The following WNT2 variants were observed in gnomAD, a reference collection of about 807,000 sequenced individuals.
The protein encoded by WNT2 is protein Wnt-2.
WNT2 carries 12 observed loss-of-function variants against 36.9 expected under a neutral mutation model. The observed-to-expected ratio is 0.33, with a 90% CI of 0.21 to 0.53. The LOEUF (loss-of-function observed/expected upper bound fraction) is 0.53. Among genes scored for constraint, WNT2 ranks in the 20% least tolerant of loss-of-function variants. WNT2 has a pLI of 0.95. For missense variants in WNT2, 379 were observed against 473.1 expected, an observed-to-expected ratio of 0.80 and a Z score of 1.84; for synonymous variants, 163 against 174.6, an observed-to-expected ratio of 0.93 and a Z score of 0.52.
intron 3 of WNT2, among the ~76,000 whole-genome samples, chr7:117,305,588 A>C (rs1264320425): frequency 4.6e-5 from 7 of 152,196 alleles, no homozygotes; most frequent in African/African-American, 1.7e-4. Flanking sequence ...AAGTAGTAAA[A>C]AGGCATTTAG....
At chr7:117,286,909 G>C (rs1441538468) in intron 4 of WNT2, among the ~76,000 whole-genome samples, 1 of 152,222 alleles carries the variant, frequency 6.6e-6, no homozygotes, top group African/African-American at 2.4e-5. Flanking sequence ...GTCAGACTCT[G>C]TGAGGCTTTC....
rs139577494 is a variant in WNT2 at position 117,301,289 on chromosome 7, G to A, written c.589-3413C>T. Among the ~76,000 whole-genome samples the A allele has an allele frequency of 1.1e-3, 174 of 152,188 alleles. 2 individuals are homozygous for A. In the East Asian group the frequency reaches 0.03, roughly 26 times the overall value. On this transcript the variant is annotated intron_variant, in intron 3 of 4. Coordinates refer to ENST00000265441, the MANE Select transcript of WNT2 (RefSeq NM_003391.3). ...TTCATCTCTTCTATGTACTGGGTTT[G>A]CAGACTTGAAATTCAAACCCTTAAC...
chr7:117,320,854 G>T, intron 1 of WNT2, 61 bp from the exon 2 acceptor site: 1 of 1,431,862 alleles, frequency 7.0e-7, no homozygotes, highest in Non-Finnish European at 9.6e-7. Context: ...CTGGCTCAGT[G>T]TTCCTGGGAG....
At chr7:117,296,189 T>C (rs896447400) in intron 4 of WNT2, among the ~76,000 whole-genome samples, 1 of 152,150 alleles carries the variant, frequency 6.6e-6, no homozygotes, top group African/African-American at 2.4e-5. Context: ...GATTTGGCTA[T>C]AACTTTGGCC....
intron 3 of WNT2, among the ~76,000 whole-genome samples, chr7:117,313,994 G>A (rs1795168456): frequency 6.6e-6 from 1 of 152,036 alleles, no homozygotes; most frequent in Non-Finnish European, 1.5e-5. Context: ...CTAGTAAAGG[G>A]GTTTTCATCC....
At chr7:117,310,476 CT>C (rs1196484204) in intron 3 of WNT2, among the ~76,000 whole-genome samples, 1 of 149,940 alleles carries the variant, frequency 6.7e-6, no homozygotes, top group Non-Finnish European at 1.5e-5. Context: ...GTCCCGGCTA[CT>C]GAGACTGAGG....
At chr7:117,303,834 G>A (rs545853330) in intron 3 of WNT2, among the ~76,000 whole-genome samples, 13 of 152,140 alleles carry the variant, frequency 8.5e-5, no homozygotes, top group Non-Finnish European at 1.6e-4. Flanking sequence ...GTGTTTTCTC[G>A]TTCTATTTGC....
intron 3 of WNT2, among the ~76,000 whole-genome samples, chr7:117,306,129 C>G (rs1562828380): frequency 6.6e-6 from 1 of 152,172 alleles, no homozygotes; most frequent in Non-Finnish European, 1.5e-5. Flanking sequence ...TATTCATTTG[C>G]TTTCCATTTT....
At chr7:117,304,810 T>C (rs769321653) in intron 3 of WNT2, among the ~76,000 whole-genome samples, 4 of 152,294 alleles carry the variant, frequency 2.6e-5, no homozygotes, top group Non-Finnish European at 4.4e-5. Context: ...GTCACTTATG[T>C]TTTCTCTCAT....
At chr7:117,289,935 G>A (rs145581416) in intron 4 of WNT2, among the ~76,000 whole-genome samples, 2 of 152,334 alleles carry the variant, frequency 1.3e-5, no homozygotes, top group East Asian at 3.9e-4. Flanking sequence ...CAAGGAAGGA[G>A]TGTAAGGAAT....
chr7:117,315,899 G>A (rs1174279283), intron 2 of WNT2, among the ~76,000 whole-genome samples: 1 of 152,228 alleles, frequency 6.6e-6, no homozygotes, highest in Non-Finnish European at 1.5e-5. Context: ...AAGGTGGGAA[G>A]AGAATTCTGG....
chr7:117,278,517 A>T, intron 4 of WNT2, 133 bp from the exon 5 acceptor site: 1 of 871,508 alleles, frequency 1.1e-6, no homozygotes, highest in Non-Finnish European at 1.7e-6. Context: ...GGGCTGTTAT[A>T]CTCGTTCTGT....
intron 4 of WNT2, 75 bp downstream of exon 4, chr7:117,297,537 C>A (rs1227686082): frequency 6.6e-7 from 1 of 1,515,290 alleles, no homozygotes; most frequent in Non-Finnish European, 9.0e-7. Context: ...GCTGAAAATA[C>A]AGAACCTCAT....
At chr7:117,315,455 C>T in intron 2 of WNT2, 107 bp from the exon 3 acceptor site, 3 of 1,196,776 alleles carry the variant, frequency 2.5e-6, no homozygotes, top group Admixed American at 5.4e-5. Context: ...ACCTTTGCCA[C>T]TAGACAACAA....
At chr7:117,309,361 T>C (rs1407665964) in intron 3 of WNT2, among the ~76,000 whole-genome samples, 1 of 152,198 alleles carries the variant, frequency 6.6e-6, no homozygotes, top group Non-Finnish European at 1.5e-5. Flanking sequence ...GGGCAGGCCC[T>C]AGTGCTCTGC....
Position 117,322,826 on chromosome 7 carries a change from G to T in WNT2, c.83+81C>A, listed in dbSNP as rs1005293578. The T allele has an allele frequency of 6.9e-7, 1 of 1,446,192 alleles. No homozygotes were observed. The highest frequency in any genetic ancestry group is 9.7e-7 in the Non-Finnish European group (1 of 1,035,634). The allele number at this position is 1,446,192 out of a possible 1,614,324, so 89.6% of individuals were successfully genotyped here. ...GAGACTGCTGCGGCCGCGGGGGAACGCAGCCAGGAAGGGTCTATGTGGCCA... is the reference window on the plus strand; with the variant it reads ...GAGACTGCTGCGGCCGCGGGGGAACTCAGCCAGGAAGGGTCTATGTGGCCA... On this transcript the variant is annotated intron_variant, in intron 1 of 4. Transcript: ENST00000265441. This position sits in a 1 kb window ranked among gnomAD's most constrained non-coding sequence, Gnocchi z 5.4.
chr7:117,319,872 G>A (rs1435962382), intron 2 of WNT2, among the ~76,000 whole-genome samples: 2 of 152,124 alleles, frequency 1.3e-5, no homozygotes, highest in African/African-American at 4.8e-5. Flanking sequence ...TGCTTAAAAT[G>A]TAGCTGGAAA....
chr7:117,319,528 G>T (rs573646308), intron 2 of WNT2, among the ~76,000 whole-genome samples: 2 of 148,444 alleles, frequency 1.3e-5, no homozygotes, highest in Admixed American at 6.7e-5. Context: ...GAATTGGGGG[G>T]GGGGGTAGGC....
At chr7:117,316,296 C>A (rs769847828) in intron 2 of WNT2, among the ~76,000 whole-genome samples, 1 of 152,170 alleles carries the variant, frequency 6.6e-6, no homozygotes, top group Non-Finnish European at 1.5e-5. Context: ...ACTCATAACA[C>A]GGTGTTGTGG....
Sources: allele counts gnomAD v4.1 joint callset (sites outside exome capture counted in the v4.1 genomes callset), GRCh38; gene constraint gnomAD v4.1.1; non-coding constraint Gnocchi (gnomAD v3.1); transcripts MANE v1.5; gene names NCBI Gene and HGNC (gene_info 2026-07-23, HGNC 2026-07-21).